The following GYS2 variants were observed in gnomAD, a reference collection of about 807,000 sequenced individuals.
The protein encoded by GYS2 is glycogen synthase 2.
Under a neutral mutation model 85.6 loss-of-function variants are expected in GYS2, and 80 were observed. The ratio of observed to expected loss-of-function variants is 0.93; its 90% CI spans 0.78 to 1.13. GYS2 has a LOEUF of 1.13. Among genes scored for constraint, GYS2 ranks in the 50% most tolerant of loss-of-function variants. GYS2 has a pLI of 0.00. For synonymous variants in GYS2, 328 were observed against 300.7 expected, an observed-to-expected ratio of 1.09 and a Z score of -0.94; for missense variants, 881 against 854.9, an observed-to-expected ratio of 1.03 and a Z score of -0.38.
rs376190964 is a variant in GYS2 at position 21,574,128 on chromosome 12, A to C, written c.678+16T>G. On this transcript the variant is annotated intron_variant, in intron 4 of 15. Coordinates refer to ENST00000261195, the MANE Select transcript of GYS2 (RefSeq NM_021957.4). ...AAAGAAGGGTGAGTAAGAGGGAGGG[A>C]GGAAGGAATATTTACCTTATCAAGA... 5.1e-6 allele frequency: 8 copies of C among 1,577,032 alleles called. No homozygotes were observed. In the African/African-American group the frequency reaches 1.1e-4, roughly 21 times the overall value.
intron 5 of GYS2, among the ~76,000 whole-genome samples, chr12:21,567,514 G>T (rs1431793110): frequency 1.3e-5 from 2 of 151,290 alleles, no homozygotes; most frequent in Admixed American, 6.6e-5. Flanking sequence ...AAATTAGTTG[G>T]GTTCTTGTTC....
rs863224039 is a variant in GYS2, at chr12:21,546,466, A to T, written c.1427T>A (p.Ile476Asn). 1 of 1,594,600 alleles carries T rather than the reference A, an allele frequency of 6.3e-7. No individual in the cohort carries two copies. The highest frequency in any genetic ancestry group is 8.6e-7 in the Non-Finnish European group (1 of 1,165,676). ...FNNRTDRVKVILHPEFLSSTS... is the reference protein window; with the variant it reads ...FNNRTDRVKVNLHPEFLSSTS... Reference sequence around the variant, plus strand: ...GGAGGATAGAAACTCTGGGTGCAAAATCACCTAAAAAAGGAAAATTCTAAT... The same window carrying T: ...GGAGGATAGAAACTCTGGGTGCAAATTCACCTAAAAAAGGAAAATTCTAAT... Residue 476 changes from isoleucine (I) to asparagine (N), a missense_variant, in exon 12 of 16, where the codon ATT becomes AAT. By Grantham distance (149) the Ile-to-Asn change is moderately radical. Coordinates refer to ENST00000261195, the MANE Select transcript of GYS2 (RefSeq NM_021957.4).
chr12:21,571,928 C>T, intron 4 of GYS2, among the ~76,000 whole-genome samples: 1 of 138,356 alleles, frequency 7.2e-6, no homozygotes, highest in Non-Finnish European at 1.5e-5. Context: ...CGCTACGGCA[C>T]TCTAGCCTGG....
downstream of GYS2, among the ~76,000 whole-genome samples, chr12:21,533,707 A>G (rs1016455130): frequency 4.6e-5 from 7 of 152,234 alleles, no homozygotes; most frequent in East Asian, 1.9e-4. Context: ...TCTCATCTGC[A>G]TATATAAAAC....
At chr12:21,595,017 TG>T (rs1944679493) in intron 1 of GYS2, among the ~76,000 whole-genome samples, 1 of 152,086 alleles carries the variant, frequency 6.6e-6, no homozygotes, top group African/African-American at 2.4e-5. Flanking sequence ...GTTCAAGAAA[TG>T]GTGCTGAAAA....
intron 1 of GYS2, among the ~76,000 whole-genome samples, chr12:21,586,207 A>T (rs1348137376): frequency 6.6e-6 from 1 of 152,090 alleles, no homozygotes; most frequent in Non-Finnish European, 1.5e-5. Context: ...GCAGAAAAAA[A>T]ACATGTGAAA....
At chr12:21,541,141 G>A (rs1014054366) in intron 13 of GYS2, among the ~76,000 whole-genome samples, 6 of 151,780 alleles carry the variant, frequency 4.0e-5, no homozygotes, top group East Asian at 1.9e-4. Context: ...GGTGGTGTGC[G>A]CCTGTAGCCC....
At chr12:21,561,528 G>T (rs1944253116) in intron 7 of GYS2, among the ~76,000 whole-genome samples, 1 of 152,132 alleles carries the variant, frequency 6.6e-6, no homozygotes, top group African/African-American at 2.4e-5. Context: ...TATGTGGAAA[G>T]AGAATTCCTT....
intron 15 of GYS2, among the ~76,000 whole-genome samples, chr12:21,538,289 G>C (rs1269907691): frequency 6.6e-6 from 1 of 152,162 alleles, no homozygotes; most frequent in Non-Finnish European, 1.5e-5. Flanking sequence ...TTCTAGATCT[G>C]TTCCTCTGGA....
At chr12:21,591,974 T>C (rs1490249368) in intron 1 of GYS2, among the ~76,000 whole-genome samples, 1 of 152,054 alleles carries the variant, frequency 6.6e-6, no homozygotes, top group Non-Finnish European at 1.5e-5. Flanking sequence ...AGACTGGCTT[T>C]ACAAGAAATA....
rs1451269222 is a variant in GYS2 at position 21,568,968 on chromosome 12, G to C, written c.720C>G (p.His240Gln). ...DKEAGERQIY[H>Q]RYCMERASVH... is the part of the protein sequence containing the mutation. ...CGGAAGCTCGCTCCATGCAGTACCG[G>C]TGGTAAATCTGCCTTTCCCCAGCCT... is the stretch of plus-strand genomic sequence containing the variant. The change falls in exon 5 of 16, where the codon CAC becomes CAG. Residue 240 changes from histidine to glutamine, a missense_variant. By Grantham distance (24) the His-to-Gln change is conservative. Transcript: ENST00000261195. 6.2e-7 allele frequency: 1 copy of C among 1,613,814 alleles called. No homozygotes were observed. The highest frequency in any genetic ancestry group is 1.1e-5 in the South Asian group (1 of 91,072).
chr12:21,540,601 G>A (rs1487572382), intron 13 of GYS2, 28 bp from the exon 14 acceptor site: 1 of 1,598,198 alleles, frequency 6.3e-7, no homozygotes, highest in Admixed American at 1.7e-5. Flanking sequence ...CAAAGCACAA[G>A]TAAAAGTAGG....
At chr12:21,557,628 G>C (rs1333418950) in intron 11 of GYS2, among the ~76,000 whole-genome samples, 3 of 152,060 alleles carry the variant, frequency 2.0e-5, no homozygotes, top group Non-Finnish European at 4.4e-5. Context: ...GGCCGGGCGC[G>C]GTGGCTCACG....
chr12:21,567,536 T>G lies in GYS2; in HGVS notation c.823+1329A>C, dbSNP rs555340355. Among the ~76,000 whole-genome samples, 25 of 151,520 alleles carry G rather than the reference T, an allele frequency of 1.6e-4. No individual in the cohort carries two copies. In the East Asian group the frequency reaches 4.8e-3, roughly 29 times the overall value. ...TTGGGTTCTTGTTCTATCTTGTTTTTTTTTTTTTTTTTAACCTAGCACCTT... is the reference window on the plus strand; with the variant it reads ...TTGGGTTCTTGTTCTATCTTGTTTTGTTTTTTTTTTTTAACCTAGCACCTT... On this transcript the variant is annotated intron_variant, in intron 5 of 15. Coordinates refer to ENST00000261195, the MANE Select transcript of GYS2 (RefSeq NM_021957.4).
chr12:21,586,906 G>T (rs1301260231), intron 1 of GYS2, among the ~76,000 whole-genome samples: 5 of 152,192 alleles, frequency 3.3e-5, no homozygotes, highest in Non-Finnish European at 1.5e-5. Context: ...CAATAGCAAA[G>T]ATATGGAATC....
chr12:21,601,501 T>C (rs909456832), intron 1 of GYS2, among the ~76,000 whole-genome samples: 4 of 152,150 alleles, frequency 2.6e-5, no homozygotes, highest in African/African-American at 9.7e-5. Flanking sequence ...CAGAGAACAC[T>C]TCTGCATCTT....
chr12:21,570,397 T>C (rs1164924985), intron 4 of GYS2, among the ~76,000 whole-genome samples: 2 of 152,230 alleles, frequency 1.3e-5, no homozygotes, highest in Admixed American at 6.5e-5. Context: ...CTGAATAAGT[T>C]ATAGGATCAA....
intron 11 of GYS2, 37 bp from the exon 12 acceptor site, chr12:21,546,507 AAGG>A: frequency 6.8e-7 from 1 of 1,464,460 alleles, no homozygotes; most frequent in South Asian, 1.2e-5. Context: ...AAAAAAGAAA[AAGG>A]AGCAAGTAAA....
rs1728477146 is a variant in GYS2, at chr12:21,536,978, C to G, written c.2088G>C (p.Lys696Asn). 3 of 1,613,318 alleles carry G rather than the reference C, an allele frequency of 1.9e-6. No individual in the cohort carries two copies. Among genetic ancestry groups the G allele is most frequent in the Non-Finnish European group, 2.5e-6 (3 of 1,179,444 alleles). The change falls in exon 16 of 16, where the codon AAG becomes AAC. Residue 696 changes from lysine to asparagine, a missense_variant. By Grantham distance (94) the Lys-to-Asn change is moderately conservative. Coordinates refer to ENST00000261195, the MANE Select transcript of GYS2 (RefSeq NM_021957.4). ...SLSHVPHGKK[K>N]LHGEYKN ...TTCAGTTCTTATATTCACCATGCAG[C>G]TTTTTCTTCCCATGAGGAACGTGGC...
Sources: allele counts gnomAD v4.1 joint callset (sites outside exome capture counted in the v4.1 genomes callset), GRCh38; gene constraint gnomAD v4.1.1; transcripts MANE v1.5; gene names NCBI Gene and HGNC (gene_info 2026-07-23, HGNC 2026-07-21).